Variants in SLC20A2 observed in about 807,000 individuals in gnomAD.
The protein encoded by SLC20A2 is sodium-dependent phosphate transporter 2.
A neutral mutation model predicts 61.0 loss-of-function variants in SLC20A2; 30 were observed. The observed-to-expected ratio is 0.49, with a 90% CI of 0.37 to 0.67. The LOEUF (loss-of-function observed/expected upper bound fraction) is 0.67, where lower values mean the gene tolerates loss of function less well. Ranked by LOEUF, SLC20A2 falls within the 30% of genes least tolerant of loss-of-function variation. The pLI is 0.00. For missense variants in SLC20A2, 626 were observed against 866.4 expected (o/e 0.72, Z 3.48); for synonymous variants, 351 against 353.3 (o/e 0.99, Z 0.07).
chr8:42,516,765 C>G (rs1393998259), intron 1 of SLC20A2, among the ~76,000 whole-genome samples: 1 of 152,226 alleles, frequency 6.6e-6, no homozygotes, highest in African/African-American at 2.4e-5. Context: ...CTGCCTCCCT[C>G]GTTTGCCAAT....
In SLC20A2 at chr8:42,439,531, T is replaced by C. The variant is rs1563457780; in HGVS notation, c.853A>G (p.Ile285Val). Residue 285 changes from isoleucine (I) to valine (V), a missense_variant, in exon 7 of 11, where the codon ATC (isoleucine) becomes GTC (valine). By Grantham distance (29) the Ile-to-Val change is conservative. This residue lies in a region of SLC20A2 where 361 missense variants were observed against 422.3 expected (regional missense o/e 0.85). Transcript: ENST00000520262. ...TCCCCTGCTGCTCCCGTGAGCGGGATGGTGCTGTCATCATTAGCCTTGGCA... is the reference window on the plus strand; with the variant it reads ...TCCCCTGCTGCTCCCGTGAGCGGGACGGTGCTGTCATCATTAGCCTTGGCA... ...PGAKANDDST[I>V]PLTGAAGETL... The C allele has an allele frequency of 1.9e-6, 3 of 1,614,232 alleles. No individual in the cohort carries two copies. The highest frequency in any genetic ancestry group is 2.7e-5 in the African/African-American group (2 of 75,060).
At position 42,430,010 on chromosome 8, in the gene SLC20A2, A is replaced by G. The variant is rs189425709; in HGVS notation, c.1709+54T>C. The G allele has an allele frequency of 4.7e-6, 7 of 1,491,368 alleles. No homozygotes were observed. In the East Asian group the frequency reaches 1.4e-4, roughly 30 times the overall value. The allele number at this position is 1,491,368 out of a possible 1,614,324, so 92.4% of individuals were successfully genotyped here. A position where few individuals can be genotyped will look rare whatever the true frequency, so the allele number is the denominator to read the frequency against. On this transcript the variant is annotated intron_variant, in intron 9 of 10. Coordinates refer to ENST00000520262, the MANE Select transcript of SLC20A2 (RefSeq NM_001257180.2). Reference sequence around the variant, plus strand: ...CGTTCAGACACAGCCGGGAAGCTCTACCCAGGCCTCGGATGACAAGACCTG... The same window carrying G: ...CGTTCAGACACAGCCGGGAAGCTCTGCCCAGGCCTCGGATGACAAGACCTG...
In SLC20A2 at chr8:42,437,195, C is replaced by A. The variant is rs769561404; in HGVS notation, c.1317G>T (p.Ala439=). ...CCGCCTCGATCTCCGCCTCTGCCAC[C>A]GCGTTACAGTAGCTCGAGTAGCTGT... ...RYDSYSSYCN[A]VAEAEIEAEE... The change falls in exon 8 of 11, where the codon GCG becomes GCT. Residue 439 remains alanine (A), a synonymous_variant. Transcript: ENST00000520262. The surrounding 1 kb of genome is among the most constrained non-coding windows in gnomAD (Gnocchi z 6.4). The A allele has an allele frequency of 2.5e-6, 4 of 1,613,648 alleles. No individual in the cohort carries two copies. The highest frequency in any genetic ancestry group is 1.3e-5 in the African/African-American group (1 of 75,070).
chr8:42,516,344 T>C (rs1212244343), intron 1 of SLC20A2, among the ~76,000 whole-genome samples: 2 of 152,254 alleles, frequency 1.3e-5, no homozygotes, highest in Non-Finnish European at 2.9e-5. Context: ...CCTAGAATTT[T>C]TTCCTGTTTT....
intron 2 of SLC20A2, among the ~76,000 whole-genome samples, chr8:42,471,359 A>G (rs1452707084): frequency 6.6e-6 from 1 of 152,196 alleles, no homozygotes; most frequent in Non-Finnish European, 1.5e-5. Flanking sequence ...CCAACCAGCC[A>G]CTCTGCTTAT....
At chr8:42,494,007 G>A (rs568657811) in intron 1 of SLC20A2, among the ~76,000 whole-genome samples, 10 of 152,264 alleles carry the variant, frequency 6.6e-5, no homozygotes, top group East Asian at 5.8e-4. Flanking sequence ...GCCAGGTGTC[G>A]TGGTGTGTGC....
At chr8:42,464,652 A>G (rs1807010499) in intron 3 of SLC20A2, among the ~76,000 whole-genome samples, 1 of 152,206 alleles carries the variant, frequency 6.6e-6, no homozygotes, top group Admixed American at 6.5e-5. Context: ...ACAACTGTCC[A>G]GCACATAATA....
intron 1 of SLC20A2, among the ~76,000 whole-genome samples, chr8:42,496,425 G>A (rs887187863): frequency 6.6e-6 from 1 of 152,160 alleles, no homozygotes; most frequent in Admixed American, 6.5e-5. Context: ...TTTCTATTAC[G>A]TGCAAATAAA....
chr8:42,430,312 G>C lies in SLC20A2; in HGVS notation c.1524-63C>G. The C allele has an allele frequency of 2.2e-6, 3 of 1,393,530 alleles. No homozygotes were observed. The South Asian group carries it at 4.2e-5, about 20-fold the overall frequency. The allele number at this position is 1,393,530 out of a possible 1,614,324, so 86.3% of individuals were successfully genotyped here. A position where few individuals can be genotyped will look rare whatever the true frequency, so the allele number is the denominator to read the frequency against. ...GCAAGCGGCAATGTACATGATACAG[G>C]TGACTTTGTTTTATTGTGCTTCACT... On this transcript the variant is annotated intron_variant, in intron 8 of 10. Coordinates refer to ENST00000520262, the MANE Select transcript of SLC20A2 (RefSeq NM_001257180.2).
chr8:42,504,883 AAAAG>A (rs1448172741), upstream of SLC20A2, among the ~76,000 whole-genome samples: 101 of 145,346 alleles, frequency 6.9e-4, no homozygotes, highest in Non-Finnish European at 1.2e-3. Context: ...AAAAAAAAAA[AAAAG>A]GCATGTTCCA....
chr8:42,537,859 C>A (rs1812807912), intron 1 of SLC20A2: 1 of 152,160 alleles, frequency 6.6e-6, no homozygotes, highest in Non-Finnish European at 1.5e-5. Context: ...GCTTAGATGT[C>A]CCTTCGAAGT....
chr8:42,447,819 C>T (rs1805345779), intron 5 of SLC20A2, among the ~76,000 whole-genome samples: 1 of 152,196 alleles, frequency 6.6e-6, no homozygotes, highest in Non-Finnish European at 1.5e-5. Context: ...TAGCTAAGGT[C>T]ACTGGGGGAG....
At chr8:42,433,985 T>A (rs1414177201) in intron 8 of SLC20A2, among the ~76,000 whole-genome samples, 12 of 152,234 alleles carry the variant, frequency 7.9e-5, no homozygotes, top group Admixed American at 2.6e-4. Flanking sequence ...GTGCACAGGG[T>A]TACAATTTCT....
At chr8:42,499,582 A>C (rs1810191399) in intron 1 of SLC20A2, among the ~76,000 whole-genome samples, 1 of 152,228 alleles carries the variant, frequency 6.6e-6, no homozygotes, top group Admixed American at 6.5e-5. Context: ...CTTTTGCAGG[A>C]CTAAGAACTA....
chr8:42,447,484 T>C (rs568694135), intron 5 of SLC20A2, among the ~76,000 whole-genome samples: 7 of 152,130 alleles, frequency 4.6e-5, no homozygotes, highest in African/African-American at 1.2e-4. Flanking sequence ...GAGACCATCC[T>C]GGCTAACACG....
intron 1 of SLC20A2, among the ~76,000 whole-genome samples, chr8:42,513,957 G>C (rs1432093849): frequency 6.6e-6 from 1 of 152,182 alleles, no homozygotes; most frequent in Non-Finnish European, 1.5e-5. Flanking sequence ...TATGTGTTCT[G>C]AATACAAGTG....
intron 1 of SLC20A2, among the ~76,000 whole-genome samples, chr8:42,534,499 C>T (rs1812584548): frequency 6.6e-6 from 1 of 151,870 alleles, no homozygotes; most frequent in Non-Finnish European, 1.5e-5. Context: ...AAACACTGAA[C>T]AAGAACATAT....
rs547023009 is a variant in SLC20A2, at chr8:42,434,923, C to T, written c.1523+2066G>A. Among the ~76,000 whole-genome samples, 404 of 151,900 alleles carry T rather than the reference C, an allele frequency of 2.7e-3. 4 individuals carry two copies. The highest frequency in any genetic ancestry group is 9.0e-3 in the African/African-American group (372 of 41,382). On this transcript the variant is annotated intron_variant, in intron 8 of 10. Transcript: ENST00000520262. ...GTGAGTGCGCATGTGAGTGTGTGTG[C>T]GTGTGTGTGTGCATCTGAGTGTGTG...
At chr8:42,429,442 G>A (rs141054971) in intron 9 of SLC20A2, among the ~76,000 whole-genome samples, 3 of 152,310 alleles carry the variant, frequency 2.0e-5, no homozygotes, top group East Asian at 3.9e-4. Context: ...CCCAGAGCCT[G>A]TAGGAAAAGG....
Sources: gnomAD v4.1 joint callset for allele counts (sites outside exome capture counted in the v4.1 genomes callset) on GRCh38, gnomAD v4.1.1 for gene constraint, gnomAD v4.1.1 regional missense constraint, Gnocchi (gnomAD v3.1) non-coding constraint, MANE v1.5 for transcripts, NCBI Gene and HGNC (gene_info 2026-07-23, HGNC 2026-07-21) for gene names.